The following TMEM163 variants were observed in gnomAD, a reference collection of about 807,000 sequenced individuals.
TMEM163 encodes the protein transmembrane protein 163.
In TMEM163, 17 loss-of-function variants were observed where a neutral mutation model predicts 29.3. The observed-to-expected ratio is 0.58, with a 90% CI of 0.40 to 0.87. The LOEUF is 0.87. TMEM163 is among the 40% of genes least tolerant of loss of function. The pLI is 0.00. For missense variants in TMEM163, 303 were observed against 381.5 expected (o/e 0.79, Z 1.71); for synonymous variants, 157 against 160.6 (o/e 0.98, Z 0.17).
chr2:134,589,742 A>G (rs1681901115), intron 2 of TMEM163, among the ~76,000 whole-genome samples: 1 of 152,210 alleles, frequency 6.6e-6, no homozygotes, highest in Non-Finnish European at 1.5e-5. Flanking sequence ...TGGAGTAGCC[A>G]TTCTTTATTC....
chr2:134,524,865 A>G (rs1200898029), intron 4 of TMEM163, among the ~76,000 whole-genome samples: 1 of 150,180 alleles, frequency 6.7e-6, no homozygotes, highest in African/African-American at 2.4e-5. Context: ...AATGATTTCT[A>G]TTTCTTTGGG....
rs1574174574 is a variant in TMEM163 at position 134,492,890 on chromosome 2, T to G, written c.555+10011A>C. On this transcript the variant is annotated intron_variant, in intron 5 of 7. Coordinates refer to ENST00000281924, the MANE Select transcript of TMEM163 (RefSeq NM_030923.5). ...AAGGTTGGATGGCTAGTTCCTACAG[T>G]AAATAGATATTTGACTTTTTAAGGA... Among the ~76,000 whole-genome samples, 5 of 152,368 alleles carry G rather than the reference T, an allele frequency of 3.3e-5. No homozygotes were observed. The South Asian group carries it at 1.0e-3, about 32-fold the overall frequency.
chr2:134,551,970 T>C (rs1680940284), intron 3 of TMEM163, 78 bp downstream of exon 3: 1 of 1,184,908 alleles, frequency 8.4e-7, no homozygotes, highest in South Asian at 1.3e-5. Context: ...CCACCCTCAT[T>C]TGAGGGCTCA....
chr2:134,516,010 G>A (rs182626208), intron 4 of TMEM163, among the ~76,000 whole-genome samples: 47 of 152,266 alleles, frequency 3.1e-4, no homozygotes, highest in African/African-American at 1.1e-3. Context: ...CACGTACTAC[G>A]TGTCCTGCAG....
chr2:134,585,673 C>T lies in TMEM163; in HGVS notation c.323-33582G>A, dbSNP rs141468423. 4.5e-3 allele frequency among the ~76,000 whole-genome samples: 678 copies of T among 150,654 alleles called. 6 individuals carry two copies. The highest frequency in any genetic ancestry group is 0.013 in the South Asian group (60 of 4,752). On this transcript the variant is annotated intron_variant, in intron 2 of 7. Coordinates refer to ENST00000281924, the MANE Select transcript of TMEM163 (RefSeq NM_030923.5). ...AGGAGGATGGCGTGAACCCGGGAGG[C>T]GGAGCTTGCAGTGAGTCTAGATCGC... is the stretch of plus-strand genomic sequence containing the variant.
intron 5 of TMEM163, among the ~76,000 whole-genome samples, chr2:134,479,599 C>A (rs960327754): frequency 3.9e-5 from 6 of 152,180 alleles, no homozygotes; most frequent in Non-Finnish European, 5.9e-5. Context: ...GGGCGAGCAT[C>A]CCTTCTGTAC....
intron 4 of TMEM163, among the ~76,000 whole-genome samples, chr2:134,513,373 T>C (rs1679990624): frequency 6.6e-6 from 1 of 152,176 alleles, no homozygotes; most frequent in Non-Finnish European, 1.5e-5. Context: ...CATCAGCACA[T>C]GGATTACACC....
At chr2:134,518,639 C>T (rs72982287) in intron 4 of TMEM163, among the ~76,000 whole-genome samples, 7,543 of 152,208 alleles carry the variant, frequency 0.05, 443 homozygotes, top group East Asian at 0.24. Flanking sequence ...CTTCCAACAC[C>T]GTGTACTTTC....
At position 134,633,968 on chromosome 2, in the gene TMEM163, T is replaced by C. The variant is rs1683037903; in HGVS notation, c.322+79232A>G. 1.9e-3 allele frequency among the ~76,000 whole-genome samples: 4 copies of C among 2,090 alleles called. No individual in the cohort carries two copies. In the South Asian group the frequency reaches 0.024, roughly 12 times the overall value. 1.4% of individuals were successfully genotyped at this position (2,090 alleles called of 152,430 possible). A position where few individuals can be genotyped will look rare whatever the true frequency, so the allele number is the denominator to read the frequency against. On this transcript the variant is annotated intron_variant, in intron 2 of 7. Coordinates refer to ENST00000281924, the MANE Select transcript of TMEM163 (RefSeq NM_030923.5). ...GAAACTGTCTCAAAAAAAAAATACA[T>C]ATATATATATATATATATATATATA...
intron 2 of TMEM163, among the ~76,000 whole-genome samples, chr2:134,597,994 T>G (rs1682128771): frequency 6.6e-6 from 1 of 152,214 alleles, no homozygotes; most frequent in African/African-American, 2.4e-5. Flanking sequence ...GTCTATTTGA[T>G]TCTTCTCTCT....
At chr2:134,505,467 T>C (rs564642576) in intron 4 of TMEM163, among the ~76,000 whole-genome samples, 2 of 152,142 alleles carry the variant, frequency 1.3e-5, no homozygotes, top group South Asian at 2.1e-4. Flanking sequence ...GAGGCTGAGA[T>C]AGAAGCGACA....
chr2:134,598,372 T>C (rs1356780054), intron 2 of TMEM163, among the ~76,000 whole-genome samples: 1 of 152,092 alleles, frequency 6.6e-6, no homozygotes, highest in East Asian at 1.9e-4. Flanking sequence ...GCTAGCACTA[T>C]GTACTATACA....
chr2:134,699,565 A>G (rs926585722), intron 2 of TMEM163, among the ~76,000 whole-genome samples: 1 of 152,190 alleles, frequency 6.6e-6, no homozygotes, highest in African/African-American at 2.4e-5. Flanking sequence ...AAGTTTACAT[A>G]TTCTGATATA....
intron 2 of TMEM163, among the ~76,000 whole-genome samples, chr2:134,576,329 AC>A (rs954009203): frequency 6.6e-6 from 1 of 152,114 alleles, no homozygotes; most frequent in African/African-American, 2.4e-5. Context: ...TTCTCACCAA[AC>A]CCTAAACCAG....
rs557378092 is a variant in TMEM163, at chr2:134,497,772, T to A, written c.555+5129A>T. Among the ~76,000 whole-genome samples the A allele has an allele frequency of 1.4e-3, 212 of 152,252 alleles. 1 individual carries two copies. Among genetic ancestry groups the A allele is most frequent in the African/African-American group, 4.9e-3 (202 of 41,554 alleles). On this transcript the variant is annotated intron_variant, in intron 5 of 7. Coordinates refer to ENST00000281924, the MANE Select transcript of TMEM163 (RefSeq NM_030923.5). ...GTCACTCAGCCAGTTAGGGGTGGGT[T>A]AGGCCTAGAGGTCAGGTCTTCCAAT...
At chr2:134,606,318 G>C (rs1406009412) in intron 2 of TMEM163, among the ~76,000 whole-genome samples, 2 of 147,770 alleles carry the variant, frequency 1.4e-5, no homozygotes, top group African/African-American at 5.1e-5. Context: ...ACTCCAGCCT[G>C]GGCAACAAGA....
chr2:134,644,225 T>C (rs973121218), intron 2 of TMEM163, among the ~76,000 whole-genome samples: 2 of 152,106 alleles, frequency 1.3e-5, no homozygotes, highest in African/African-American at 4.8e-5. Flanking sequence ...GCCATTGAAT[T>C]CCAGAGAGAT....
chr2:134,500,092 A>G (rs933679312), intron 5 of TMEM163, among the ~76,000 whole-genome samples: 9 of 152,190 alleles, frequency 5.9e-5, no homozygotes, highest in African/African-American at 2.2e-4. Context: ...CCCACATTCC[A>G]GCATGATATC....
At chr2:134,554,177 C>G (rs1255584177) in intron 2 of TMEM163, among the ~76,000 whole-genome samples, 1 of 152,034 alleles carries the variant, frequency 6.6e-6, no homozygotes, top group African/African-American at 2.4e-5. Context: ...GTAATCTCAG[C>G]ACTTTGGGAG....
Sources: gnomAD v4.1 joint callset for allele counts (sites outside exome capture counted in the v4.1 genomes callset) on GRCh38, gnomAD v4.1.1 for gene constraint, MANE v1.5 for transcripts, NCBI Gene and HGNC (gene_info 2026-07-23, HGNC 2026-07-21) for gene names.